Variants in BTRC observed in about 807,000 individuals in gnomAD.
The protein encoded by BTRC is beta-transducin repeat containing E3 ubiquitin protein ligase.
A neutral mutation model predicts 85.5 loss-of-function variants in BTRC; 42 were observed. The observed-to-expected ratio is 0.49, with a 90% CI of 0.38 to 0.64. BTRC has a LOEUF of 0.64. Among genes scored for constraint, BTRC ranks in the 30% least tolerant of loss-of-function variants. BTRC has a pLI of 0.00. For missense variants in BTRC, 594 were observed against 743.5 expected (o/e 0.80, Z 2.34); for synonymous variants, 255 against 263.3 (o/e 0.97, Z 0.30).
At chr10:101,525,497 A>G (rs1428203420) in intron 5 of BTRC, among the ~76,000 whole-genome samples, 1 of 152,092 alleles carries the variant, frequency 6.6e-6, no homozygotes, top group African/African-American at 2.4e-5. Context: ...TCCTTTCTGC[A>G]TGCCCAAAAT....
At chr10:101,420,527 G>T (rs1427520625) in intron 1 of BTRC, among the ~76,000 whole-genome samples, 1 of 152,006 alleles carries the variant, frequency 6.6e-6, no homozygotes, top group Non-Finnish European at 1.5e-5. Flanking sequence ...CCACTGCCCT[G>T]TGTGGATGTG....
chr10:101,427,911 A>G lies in BTRC; in HGVS notation c.49-2434A>G, dbSNP rs536248745. Among the ~76,000 whole-genome samples, 8 of 152,350 alleles carry G rather than the reference A, an allele frequency of 5.3e-5. No homozygotes were observed. In the South Asian group the frequency reaches 1.4e-3, roughly 28 times the overall value. On this transcript the variant is annotated intron_variant, in intron 1 of 14. Transcript: ENST00000370187. ...AAAATATTAGCCTTAAGAAAATTTTAGTATCATTTACTTAAAAAATTAGCA... is the reference window on the plus strand; with the variant it reads ...AAAATATTAGCCTTAAGAAAATTTTGGTATCATTTACTTAAAAAATTAGCA...
intron 1 of BTRC, among the ~76,000 whole-genome samples, chr10:101,367,235 A>C (rs1205895805): frequency 6.7e-6 from 1 of 148,368 alleles, no homozygotes; most frequent in Non-Finnish European, 1.5e-5. Context: ...CACGCCAGCT[A>C]ATTTTTGTAT....
At chr10:101,545,208 T>C (rs1374190090) in intron 13 of BTRC, among the ~76,000 whole-genome samples, 2 of 152,324 alleles carry the variant, frequency 1.3e-5, no homozygotes, top group East Asian at 3.9e-4. Context: ...ATTTTCTCTT[T>C]ATCATTAGTT....
intron 5 of BTRC, among the ~76,000 whole-genome samples, chr10:101,522,676 C>T (rs531309049): frequency 4.6e-5 from 7 of 151,908 alleles, no homozygotes; most frequent in Non-Finnish European, 8.8e-5. Flanking sequence ...CCGCCTTGGC[C>T]TCCCAAAGTG....
chr10:101,542,348 TATA>T (rs2062481462), intron 13 of BTRC, among the ~76,000 whole-genome samples: 1 of 152,164 alleles, frequency 6.6e-6, no homozygotes, highest in Non-Finnish European at 1.5e-5. Context: ...TTTTTTTAAA[TATA>T]ATCAGTTGAA....
chr10:101,414,787 T>A (rs1431987332), intron 1 of BTRC: 1 of 175,772 alleles, frequency 5.7e-6, no homozygotes, highest in Non-Finnish European at 1.2e-5. Flanking sequence ...ATAATATATA[T>A]AATATATATT....
At chr10:101,517,686 A>G (rs766280380) in intron 4 of BTRC, among the ~76,000 whole-genome samples, 4 of 152,176 alleles carry the variant, frequency 2.6e-5, no homozygotes, top group Non-Finnish European at 4.4e-5. Context: ...CAGAGTAGCA[A>G]AAGTTTCTAT....
intron 2 of BTRC, among the ~76,000 whole-genome samples, chr10:101,460,261 T>C (rs1945189772): frequency 6.6e-6 from 1 of 152,216 alleles, no homozygotes; most frequent in African/African-American, 2.4e-5. Flanking sequence ...AACTTGATGT[T>C]ATGGGGTAAA....
intron 1 of BTRC, among the ~76,000 whole-genome samples, chr10:101,408,014 G>T (rs1034485589): frequency 6.6e-6 from 1 of 152,078 alleles, no homozygotes; most frequent in East Asian, 1.9e-4. Context: ...GAGCCACTGC[G>T]CCTGGCCTAA....
intron 1 of BTRC, among the ~76,000 whole-genome samples, chr10:101,358,801 A>G (rs1286917186): frequency 2.0e-5 from 3 of 152,128 alleles, no homozygotes; most frequent in Non-Finnish European, 2.9e-5. Flanking sequence ...CTAGATTTGG[A>G]AGTCCAAGAA....
Position 101,526,067 on chromosome 10 carries a change from C to T in BTRC, c.611C>T (p.Ser204Leu). Residue 204 changes from serine to leucine, a missense_variant, in exon 6 of 15, where the codon TCA (serine) becomes TTA (leucine). Physicochemically the swap from Ser to Leu is moderately radical, Grantham distance 145. This residue lies in a region of BTRC where 373 missense variants were observed against 503.6 expected (regional missense o/e 0.74). Coordinates refer to ENST00000370187, the MANE Select transcript of BTRC (RefSeq NM_033637.4). ...ATTCTGTCATACCTGGATGCCAAAT[C>T]ACTATGTGCTGCTGAACTTGTGTGC... Reference protein sequence around the residue: ...ENILSYLDAKSLCAAELVCKE... With the variant: ...ENILSYLDAKLLCAAELVCKE... 6.2e-7 allele frequency: 1 copy of T among 1,614,160 alleles called. No individual in the cohort carries two copies. Among genetic ancestry groups the T allele is most frequent in the Non-Finnish European group, 8.5e-7 (1 of 1,180,034 alleles).
At chr10:101,479,599 A>G in intron 4 of BTRC, 142 bp downstream of exon 4, 1 of 560,384 alleles carries the variant, frequency 1.8e-6, no homozygotes, top group Non-Finnish European at 3.0e-6. Context: ...CATTTTATCT[A>G]GAACAGATTG....
At chr10:101,370,331 C>A (rs1942596471) in intron 1 of BTRC, among the ~76,000 whole-genome samples, 1 of 152,044 alleles carries the variant, frequency 6.6e-6, no homozygotes, top group Non-Finnish European at 1.5e-5. Context: ...CCTGGCTGGT[C>A]TCAAACTCCT....
At chr10:101,516,089 A>C (rs2062020131) in intron 4 of BTRC, among the ~76,000 whole-genome samples, 1 of 152,186 alleles carries the variant, frequency 6.6e-6, no homozygotes, top group Non-Finnish European at 1.5e-5. Context: ...TTTAATGAAA[A>C]TTAAAATAGA....
intron 4 of BTRC, among the ~76,000 whole-genome samples, chr10:101,513,009 C>A (rs2061976243): frequency 1.3e-5 from 2 of 152,168 alleles, no homozygotes; most frequent in African/African-American, 4.8e-5. Context: ...CAACCAGTAA[C>A]CATTATATCT....
Position 101,536,216 on chromosome 10 carries a change from G to GA in BTRC, c.1467-324dup, listed in dbSNP as rs1227037473. On this transcript the variant is annotated intron_variant, in intron 11 of 14. Coordinates refer to ENST00000370187, the MANE Select transcript of BTRC (RefSeq NM_033637.4). ...ATCTCTTTCAGTTTGGTGACTTCAG[G>GA]AAACTGCTTTCTTAGCTTGGTCATT... 2.0e-5 allele frequency among the ~76,000 whole-genome samples: 3 copies of GA among 152,212 alleles called. No homozygotes were observed. In the East Asian group the frequency reaches 5.8e-4, roughly 29 times the overall value.
At chr10:101,495,981 A>T (rs1359130385) in intron 4 of BTRC, among the ~76,000 whole-genome samples, 1 of 148,790 alleles carries the variant, frequency 6.7e-6, no homozygotes, top group Admixed American at 6.8e-5. Context: ...CCTGGTTTTG[A>T]GCCTCATATA....
intron 2 of BTRC, among the ~76,000 whole-genome samples, chr10:101,443,352 A>C (rs1344937776): frequency 1.3e-5 from 2 of 152,202 alleles, no homozygotes; most frequent in African/African-American, 2.4e-5. Flanking sequence ...GCAACATTAA[A>C]AGCAAATAAA....
Sources: allele counts gnomAD v4.1 joint callset (sites outside exome capture counted in the v4.1 genomes callset), GRCh38; gene constraint gnomAD v4.1.1; regional missense constraint gnomAD v4.1.1; transcripts MANE v1.5; gene names NCBI Gene and HGNC (gene_info 2026-07-23, HGNC 2026-07-21).